USH2A: variants seen among roughly 807,000 people sequenced by gnomAD.
USH2A encodes the protein Usher syndrome 2A (autosomal recessive, mild).
In USH2A, 443 loss-of-function variants were observed where a neutral mutation model predicts 538.9. The observed-to-expected ratio is 0.82, with a 90% CI of 0.76 to 0.89. The LOEUF is 0.89. USH2A is among the 40% of genes least tolerant of loss of function. The pLI is 0.00. For synonymous variants in USH2A, 2,413 were observed against 2,273.5 expected (o/e 1.06, Z -1.75); for missense variants, 6,633 against 6,324.8 (o/e 1.05, Z -1.65).
intron 15 of USH2A, among the ~76,000 whole-genome samples, chr1:216,211,625 C>T (rs1007972226): frequency 1.3e-5 from 2 of 152,136 alleles, no homozygotes; most frequent in Admixed American, 6.5e-5. Context: ...CATTGCCCTC[C>T]TTTTGTCTTT....
At chr1:216,005,466 G>T (rs1668369853) in intron 32 of USH2A, among the ~76,000 whole-genome samples, 1 of 152,092 alleles carries the variant, frequency 6.6e-6, no homozygotes, top group African/African-American at 2.4e-5. Context: ...TGTTCAGCAG[G>T]ATATCTCCAG....
At chr1:215,866,620 G>C (rs924691147) in intron 44 of USH2A, among the ~76,000 whole-genome samples, 1 of 152,124 alleles carries the variant, frequency 6.6e-6, no homozygotes, top group South Asian at 2.1e-4. Flanking sequence ...GTGAACAATA[G>C]TACATTGTAT....
At chr1:216,162,782 T>C (rs751996720) in intron 21 of USH2A, among the ~76,000 whole-genome samples, 1 of 152,064 alleles carries the variant, frequency 6.6e-6, no homozygotes, top group African/African-American at 2.4e-5. Flanking sequence ...CCAAACTCCA[T>C]GTGTGCATCC....
intron 13 of USH2A, 141 bp downstream of exon 13, chr1:216,246,444 G>A (rs1465510130): frequency 2.0e-6 from 2 of 994,826 alleles, no homozygotes; most frequent in Non-Finnish European, 3.0e-6. Flanking sequence ...AGTTATATAT[G>A]TGTTGGATAA....
chr1:216,177,978 G>T (rs1024623012), intron 20 of USH2A, among the ~76,000 whole-genome samples: 1 of 152,044 alleles, frequency 6.6e-6, no homozygotes, highest in Non-Finnish European at 1.5e-5. Flanking sequence ...ATACACAGAC[G>T]CAAAGTCATT....
intron 69 of USH2A, among the ~76,000 whole-genome samples, chr1:215,635,568 T>TTTAA (rs1656454061): frequency 6.6e-6 from 1 of 151,508 alleles, no homozygotes; most frequent in Non-Finnish European, 1.5e-5. Context: ...TATTTATTTA[T>TTTAA]TTTTTGAGAT....
At chr1:215,915,257 G>C (rs1021561878) in intron 38 of USH2A, among the ~76,000 whole-genome samples, 10 of 151,978 alleles carry the variant, frequency 6.6e-5, no homozygotes, top group African/African-American at 2.4e-4. Flanking sequence ...AGCCAAACCA[G>C]ACCTTTGCCC....
intron 21 of USH2A, among the ~76,000 whole-genome samples, chr1:216,108,731 C>T (rs1019482633): frequency 3.3e-5 from 5 of 151,888 alleles, no homozygotes; most frequent in Non-Finnish European, 4.4e-5. Context: ...GACCAATTTG[C>T]TATTATACTT....
intron 64 of USH2A, among the ~76,000 whole-genome samples, chr1:215,656,457 G>A (rs1345478730): frequency 1.3e-5 from 2 of 152,192 alleles, no homozygotes; most frequent in African/African-American, 4.8e-5. Flanking sequence ...CCAAGCTGAT[G>A]TCTATTTGGT....
chr1:215,812,880 G>A (rs902788185), intron 49 of USH2A, among the ~76,000 whole-genome samples: 1 of 152,290 alleles, frequency 6.6e-6, no homozygotes, highest in Middle Eastern at 3.4e-3. Flanking sequence ...GTACACAAAA[G>A]AGCATAGATT....
intron 30 of USH2A, among the ~76,000 whole-genome samples, chr1:216,067,933 G>C (rs2031433652): frequency 6.6e-6 from 1 of 152,110 alleles, no homozygotes; most frequent in Non-Finnish European, 1.5e-5. Context: ...AAATGAAAGA[G>C]AAAGAGAAGA....
At chr1:216,349,329 G>A (rs1004580842) in intron 4 of USH2A, among the ~76,000 whole-genome samples, 1 of 152,016 alleles carries the variant, frequency 6.6e-6, no homozygotes, top group African/African-American at 2.4e-5. Flanking sequence ...TTAAAAAGGA[G>A]GGGGTAATTG....
chr1:216,063,561 G>A (rs1196760883), intron 30 of USH2A, among the ~76,000 whole-genome samples: 1 of 152,126 alleles, frequency 6.6e-6, no homozygotes, highest in South Asian at 2.1e-4. Context: ...GGCAAGAAAT[G>A]TAGTGAAAAA....
At chr1:215,959,786 G>A (rs114664502) in intron 37 of USH2A, among the ~76,000 whole-genome samples, 40 of 152,196 alleles carry the variant, frequency 2.6e-4, no homozygotes, top group African/African-American at 9.4e-4. Flanking sequence ...CAGTTTTTCA[G>A]AGCAGGTGAG....
chr1:216,038,844 G>A (rs890540797), intron 32 of USH2A, among the ~76,000 whole-genome samples: 4 of 151,982 alleles, frequency 2.6e-5, no homozygotes, highest in South Asian at 2.1e-4. Flanking sequence ...GACATATTCC[G>A]TTATCTTTCC....
chr1:215,796,226 G>A (rs1235628219), intron 50 of USH2A, among the ~76,000 whole-genome samples: 1 of 151,996 alleles, frequency 6.6e-6, no homozygotes, highest in African/African-American at 2.4e-5. Context: ...CTTACTTCAC[G>A]TTATTGTGCT....
At chr1:216,409,331 C>T (rs1302469768) in intron 3 of USH2A, among the ~76,000 whole-genome samples, 2 of 152,000 alleles carry the variant, frequency 1.3e-5, no homozygotes, top group Non-Finnish European at 2.9e-5. Context: ...AGATTCAGTG[C>T]TATTTCTATC....
chr1:215,859,305 C>T (rs143708913), intron 44 of USH2A, among the ~76,000 whole-genome samples: 86 of 152,116 alleles, frequency 5.7e-4, no homozygotes, highest in Non-Finnish European at 8.5e-4. Flanking sequence ...AAGGCCGAGG[C>T]GGGAGGATCA....
intron 65 of USH2A, among the ~76,000 whole-genome samples, chr1:215,648,977 C>T (rs947107438): frequency 6.6e-5 from 10 of 151,938 alleles, no homozygotes; most frequent in Admixed American, 1.3e-4. Context: ...ATAATGTAAC[C>T]GTTAAATAGA....
Sources: allele counts gnomAD v4.1 joint callset (sites outside exome capture counted in the v4.1 genomes callset), GRCh38; gene constraint gnomAD v4.1.1; transcripts MANE v1.5; gene names NCBI Gene and HGNC (gene_info 2026-07-23, HGNC 2026-07-21).